Variants in NPEPPS observed in about 807,000 individuals in gnomAD.
NPEPPS encodes aminopeptidase puromycin sensitive.
In NPEPPS, 14 loss-of-function variants were observed where a neutral mutation model predicts 115.5. The ratio of observed to expected loss-of-function variants is 0.12; its 90% CI spans 0.08 to 0.19. The LOEUF (loss-of-function observed/expected upper bound fraction) is 0.19, where lower values mean the gene tolerates loss of function less well. NPEPPS is among the 10% of genes least tolerant of loss of function. The probability of loss-of-function intolerance (pLI) is 1.00; values close to 1 mark genes in which losing one functional copy is unlikely to be tolerated. For synonymous variants in NPEPPS, 285 were observed against 390.6 expected (o/e 0.73, Z 3.19); for missense variants, 523 against 1,110.8 (o/e 0.47, Z 7.52).
intron 2 of NPEPPS, among the ~76,000 whole-genome samples, chr17:47,559,847 A>T (rs1175421679): frequency 6.6e-6 from 1 of 152,124 alleles, no homozygotes; most frequent in Non-Finnish European, 1.5e-5. Flanking sequence ...GGGCTTAAGC[A>T]GTCCTTCCAC....
intron 14 of NPEPPS, among the ~76,000 whole-genome samples, chr17:47,601,017 G>A (rs912192894): frequency 3.3e-5 from 5 of 152,094 alleles, no homozygotes; most frequent in African/African-American, 1.2e-4. Context: ...GAGGCCAGGA[G>A]TTTGAGACCA....
At chr17:47,541,165 G>T (rs1174832292) in intron 1 of NPEPPS, among the ~76,000 whole-genome samples, 1 of 152,100 alleles carries the variant, frequency 6.6e-6, no homozygotes, top group Non-Finnish European at 1.5e-5. Flanking sequence ...TGTTGTACAG[G>T]TATCTTGACA....
chr17:47,620,268 A>T (rs1326514800), intron 22 of NPEPPS: 1 of 153,172 alleles, frequency 6.5e-6, no homozygotes, highest in Non-Finnish European at 1.4e-5. Flanking sequence ...CGAATGGTTT[A>T]TAAACAAGGC....
intron 13 of NPEPPS, 64 bp downstream of exon 13, chr17:47,596,526 C>A: frequency 9.2e-7 from 1 of 1,092,890 alleles, no homozygotes; most frequent in Non-Finnish European, 1.3e-6. Flanking sequence ...TACAGTGTAT[C>A]AAGTTTGCTT....
intron 2 of NPEPPS, among the ~76,000 whole-genome samples, chr17:47,564,266 T>A (rs1910646381): frequency 6.6e-6 from 1 of 152,112 alleles, no homozygotes; most frequent in Non-Finnish European, 1.5e-5. Flanking sequence ...AATGGTATAC[T>A]CCTATAATCT....
intron 22 of NPEPPS, among the ~76,000 whole-genome samples, chr17:47,621,500 C>A (rs1463073790): frequency 6.6e-6 from 1 of 152,170 alleles, no homozygotes; most frequent in East Asian, 1.9e-4. Flanking sequence ...ATATTTACCA[C>A]TACACAATTA....
chr17:47,555,571 C>T (rs1243836950), intron 2 of NPEPPS, among the ~76,000 whole-genome samples: 1 of 150,828 alleles, frequency 6.6e-6, no homozygotes, highest in Non-Finnish European at 1.5e-5. Flanking sequence ...GGTCTCGAAC[C>T]TCCGACCACA....
At chr17:47,581,882 G>A (rs2143840406) in intron 4 of NPEPPS, 1 of 152,234 alleles carries the variant, frequency 6.6e-6, no homozygotes, top group East Asian at 1.9e-4. Flanking sequence ...TTTTAGTAGA[G>A]ACGGGGTTTC....
At position 47,603,831 on chromosome 17, in the gene NPEPPS, A is replaced by G. The variant is rs1913374302; in HGVS notation, c.1741-84A>G. ...TGTTTTTCATCCAGATATATCTAAA[A>G]CCAGAACTCCTTTTAAACATACAAA... On this transcript the variant is annotated intron_variant, in intron 15 of 22. Coordinates refer to ENST00000322157, the MANE Select transcript of NPEPPS (RefSeq NM_006310.4). 3.0e-6 allele frequency: 4 copies of G among 1,328,436 alleles called. No individual in the cohort carries two copies. In the South Asian group the frequency reaches 4.1e-5, roughly 14 times the overall value. The allele number at this position is 1,328,436 out of a possible 1,614,324, so 82.3% of individuals were successfully genotyped here. A position where few individuals can be genotyped will look rare whatever the true frequency, so the allele number is the denominator to read the frequency against.
intron 2 of NPEPPS, among the ~76,000 whole-genome samples, chr17:47,558,007 A>G (rs1014391308): frequency 4.9e-5 from 7 of 142,868 alleles, no homozygotes; most frequent in African/African-American, 7.9e-5. Flanking sequence ...ACTTACTGCT[A>G]CCTCCACCTC....
chr17:47,551,980 T>C (rs1909685610), intron 2 of NPEPPS, among the ~76,000 whole-genome samples: 1 of 126,190 alleles, frequency 7.9e-6, no homozygotes, highest in Non-Finnish European at 1.8e-5. Flanking sequence ...TTTTTTTTTT[T>C]CTTTTTTTTT....
chr17:47,607,599 C>CT (rs1913591493), intron 17 of NPEPPS, among the ~76,000 whole-genome samples: 1 of 152,182 alleles, frequency 6.6e-6, no homozygotes, highest in African/African-American at 2.4e-5. Context: ...GAAGAACAGA[C>CT]TAAGAGAAGA....
chr17:47,529,918 T>TTTTATTTATTTATTTATTTA (rs200538359), upstream of NPEPPS, among the ~76,000 whole-genome samples: 1 of 58,368 alleles, frequency 1.7e-5, no homozygotes, highest in Non-Finnish European at 4.5e-5. Flanking sequence ...AAACATCCCA[T>TTTTATTTATTTATTTATTTA]TTTATTTATT....
At chr17:47,608,453 CAAAAAA>C (rs36062497) in intron 17 of NPEPPS, among the ~76,000 whole-genome samples, 1 of 79,176 alleles carries the variant, frequency 1.3e-5, no homozygotes, top group African/African-American at 5.2e-5. Flanking sequence ...GACTCCGTCT[CAAAAAA>C]AAAAAAAAAA....
At chr17:47,596,665 G>T (rs1238057232) in intron 13 of NPEPPS, among the ~76,000 whole-genome samples, 2 of 152,190 alleles carry the variant, frequency 1.3e-5, no homozygotes, top group Admixed American at 6.5e-5. Context: ...TGCTTGTCTA[G>T]TCTCCAGGGA....
intron 1 of NPEPPS, among the ~76,000 whole-genome samples, chr17:47,543,980 C>T (rs1160368170): frequency 8.6e-5 from 13 of 152,040 alleles, no homozygotes; most frequent in African/African-American, 2.7e-4. Context: ...CTGCAAGCTC[C>T]GCCTCCCAGG....
intron 3 of NPEPPS, among the ~76,000 whole-genome samples, chr17:47,578,127 A>G (rs1015175060): frequency 2.7e-5 from 4 of 149,048 alleles, no homozygotes; most frequent in African/African-American, 9.9e-5. Context: ...GCTTGAACCC[A>G]GGAGGCGGAG....
chr17:47,561,276 G>GC (rs1245806221), intron 2 of NPEPPS, among the ~76,000 whole-genome samples: 2 of 149,318 alleles, frequency 1.3e-5, no homozygotes, highest in African/African-American at 4.9e-5. Flanking sequence ...ATTTTGGGAG[G>GC]CCGAGGCACG....
intron 19 of NPEPPS, 81 bp from the exon 20 acceptor site, chr17:47,618,269 C>T: frequency 1.2e-6 from 1 of 858,834 alleles, no homozygotes; most frequent in Non-Finnish European, 1.9e-6. Context: ...TTTTACCTTA[C>T]TGGGGAAGAA....
Sources: allele counts gnomAD v4.1 joint callset (sites outside exome capture counted in the v4.1 genomes callset), GRCh38; gene constraint gnomAD v4.1.1; transcripts MANE v1.5; gene names NCBI Gene and HGNC (gene_info 2026-07-23, HGNC 2026-07-21).